The following SEC24B variants were observed in gnomAD, a reference collection of about 807,000 sequenced individuals.
SEC24B encodes protein transport protein Sec24B.
SEC24B carries 45 observed loss-of-function variants against 142.8 expected under a neutral mutation model. The ratio of observed to expected loss-of-function variants is 0.32; its 90% CI spans 0.25 to 0.40. SEC24B has a LOEUF of 0.40. SEC24B is among the 10% of genes least tolerant of loss of function. SEC24B has a pLI of 1.00. For missense variants in SEC24B, 1,409 were observed against 1,526.8 expected, an observed-to-expected ratio of 0.92 and a Z score of 1.29; for synonymous variants, 574 against 568.2, an observed-to-expected ratio of 1.01 and a Z score of -0.15.
At chr4:109,439,781 G>A (rs1358040716) in intron 1 of SEC24B, among the ~76,000 whole-genome samples, 2 of 150,768 alleles carry the variant, frequency 1.3e-5, no homozygotes, top group Non-Finnish European at 3.0e-5. Flanking sequence ...GATTACAGGC[G>A]TGAGCCACTG....
At chr4:109,498,413 A>T (rs1294866089) in intron 6 of SEC24B, among the ~76,000 whole-genome samples, 1 of 152,172 alleles carries the variant, frequency 6.6e-6, no homozygotes, top group East Asian at 1.9e-4. Flanking sequence ...GCTGGAGTTC[A>T]TTGGCGCAAT....
rs1436880010 is a variant in SEC24B, at chr4:109,445,470, T to C, written c.133+11468T>C. 2.7e-5 allele frequency among the ~76,000 whole-genome samples: 4 copies of C among 149,008 alleles called. No homozygotes were observed. The East Asian group carries it at 8.0e-4, about 30-fold the overall frequency. On this transcript the variant is annotated intron_variant, in intron 1 of 23. Transcript: ENST00000265175. ...TGGTGTTTCACTGTGTTAGCCAGGA[T>C]GGTCTCGATCTGACCTCGTGATCCG...
intron 17 of SEC24B, 122 bp downstream of exon 17, chr4:109,526,521 T>G: frequency 1.6e-6 from 1 of 641,162 alleles, no homozygotes; most frequent in Non-Finnish European, 2.5e-6. Flanking sequence ...TTTGTATTAG[T>G]TAATCAAACA....
At chr4:109,434,960 A>G (rs1270673450) in intron 1 of SEC24B, among the ~76,000 whole-genome samples, 6 of 152,238 alleles carry the variant, frequency 3.9e-5, no homozygotes, top group Admixed American at 3.3e-4. Context: ...AATTCTCCTT[A>G]CAGACTTCTT....
At chr4:109,532,326 G>T (rs1302519014) in intron 20 of SEC24B, among the ~76,000 whole-genome samples, 1 of 151,056 alleles carries the variant, frequency 6.6e-6, no homozygotes, top group Non-Finnish European at 1.5e-5. Flanking sequence ...TGTTGCCAAA[G>T]AAATGTAAAA....
chr4:109,540,065 G>T lies in SEC24B; in HGVS notation c.*390G>T, dbSNP rs1051024817. 6.4e-6 allele frequency: 1 copy of T among 156,674 alleles called. No homozygotes were observed. The highest frequency in any genetic ancestry group is 1.4e-5 in the Non-Finnish European group (1 of 71,274). The allele number at this position is 156,674 out of a possible 1,614,324, so 9.7% of individuals were successfully genotyped here. On this transcript the variant is annotated 3_prime_UTR_variant, in exon 24 of 24. Coordinates refer to ENST00000265175, the MANE Select transcript of SEC24B (RefSeq NM_006323.5). Reference sequence around the variant, plus strand: ...CATTTCTGGACTTGAACTCTGGCAAGAGATGCCAAAAGGCATTGGTACCGT... The same window carrying T: ...CATTTCTGGACTTGAACTCTGGCAATAGATGCCAAAAGGCATTGGTACCGT...
intron 22 of SEC24B, among the ~76,000 whole-genome samples, chr4:109,534,091 G>A (rs1278384851): frequency 6.7e-6 from 1 of 149,012 alleles, no homozygotes; most frequent in Non-Finnish European, 1.5e-5. Context: ...CGCCCAGATT[G>A]TAGTGCAGTG....
In SEC24B at chr4:109,531,483, T is replaced by G; in HGVS notation, c.3351T>G (p.Ile1117Met). Residue 1117 changes from isoleucine to methionine, a missense_variant, in exon 20 of 24, where the codon ATT becomes ATG. Coordinates refer to ENST00000265175, the MANE Select transcript of SEC24B (RefSeq NM_006323.5). ...CACTTGTTCATCTAATGAAAATGAT[T>G]CATCCCAACTTATACAGGATAGACA... is the stretch of plus-strand genomic sequence containing the variant. The part of the protein sequence containing the change: ...SQPLVHLMKM[I>M]HPNLYRIDRL... The G allele has an allele frequency of 6.2e-7, 1 of 1,610,892 alleles. No homozygotes were observed. The highest frequency in any genetic ancestry group is 8.5e-7 in the Non-Finnish European group (1 of 1,177,064).
intron 1 of SEC24B, among the ~76,000 whole-genome samples, chr4:109,443,145 A>G (rs1224322183): frequency 2.0e-4 from 30 of 151,944 alleles, no homozygotes. Context: ...TCCCTTTCCA[A>G]TGGTGACCTT....
chr4:109,536,295 A>T (rs1725526639), intron 22 of SEC24B, among the ~76,000 whole-genome samples: 1 of 152,232 alleles, frequency 6.6e-6, no homozygotes, highest in Non-Finnish European at 1.5e-5. Flanking sequence ...TAGAGTTCAG[A>T]AACAGATCTA....
intron 2 of SEC24B, among the ~76,000 whole-genome samples, chr4:109,468,635 C>T (rs1168416106): frequency 1.3e-5 from 2 of 152,246 alleles, no homozygotes; most frequent in Admixed American, 6.5e-5. Context: ...GAACCTAGAT[C>T]AGGAAAACGA....
At chr4:109,481,158 C>T (rs1245985008) in intron 3 of SEC24B, among the ~76,000 whole-genome samples, 6 of 152,046 alleles carry the variant, frequency 3.9e-5, no homozygotes, top group Non-Finnish European at 8.8e-5. Flanking sequence ...AGAACTATGC[C>T]GAATACAGTT....
At chr4:109,483,594 A>G (rs1734046581) in intron 4 of SEC24B, among the ~76,000 whole-genome samples, 1 of 152,226 alleles carries the variant, frequency 6.6e-6, no homozygotes, top group Admixed American at 6.5e-5. Context: ...AAGTTATTAT[A>G]TGTGACCACA....
intron 1 of SEC24B, among the ~76,000 whole-genome samples, chr4:109,459,439 T>C (rs1731037080): frequency 6.6e-6 from 1 of 152,208 alleles, no homozygotes; most frequent in Non-Finnish European, 1.5e-5. Flanking sequence ...ATCTCAGTAA[T>C]TTAAAAATAC....
chr4:109,504,150 C>A (rs1224717534), intron 6 of SEC24B, among the ~76,000 whole-genome samples: 1 of 152,132 alleles, frequency 6.6e-6, no homozygotes, highest in Non-Finnish European at 1.5e-5. Flanking sequence ...TGCCTACCAT[C>A]CCACCACCAC....
At chr4:109,538,188 C>T (rs1725763202) in intron 22 of SEC24B, among the ~76,000 whole-genome samples, 2 of 152,152 alleles carry the variant, frequency 1.3e-5, no homozygotes, top group Admixed American at 6.5e-5. Context: ...CTAGAAGAAA[C>T]ATAAAGCCGC....
At chr4:109,482,935 ACTATATATATATATAT>A (rs1168223676) in intron 4 of SEC24B, among the ~76,000 whole-genome samples, 7 of 37,532 alleles carry the variant, frequency 1.9e-4, no homozygotes, top group African/African-American at 6.7e-4. Flanking sequence ...CCAGGCTTGT[ACTATATATATATATAT>A]ATATATATAT....
rs775288122 is a variant in SEC24B, at chr4:109,533,568, A to G, written c.3496-25A>G. 4.2e-6 allele frequency: 6 copies of G among 1,434,280 alleles called. No individual in the cohort carries two copies. In the East Asian group the frequency reaches 6.8e-5, roughly 16 times the overall value. 88.8% of individuals were successfully genotyped at this position (1,434,280 alleles called of 1,614,324 possible). On this transcript the variant is annotated intron_variant, in intron 21 of 23. Transcript: ENST00000265175. ...ATGAATTAACTATTAGGGAGTTTTA[A>G]TATTTTGTTGCTTTTTCTTTTTAGG...
intron 3 of SEC24B, among the ~76,000 whole-genome samples, chr4:109,480,267 A>G (rs546408138): frequency 3.0e-4 from 46 of 152,008 alleles, no homozygotes; most frequent in Non-Finnish European, 5.4e-4. Context: ...CAAGTATGCT[A>G]GTCACCTGAA....
Sources: allele counts gnomAD v4.1 joint callset (sites outside exome capture counted in the v4.1 genomes callset), GRCh38; gene constraint gnomAD v4.1.1; transcripts MANE v1.5; gene names NCBI Gene and HGNC (gene_info 2026-07-23, HGNC 2026-07-21).